NKAIN2: variants seen among roughly 807,000 people sequenced by gnomAD.
NKAIN2 encodes sodium/potassium-transporting ATPase subunit beta-1-interacting protein 2.
A neutral mutation model predicts 32.6 loss-of-function variants in NKAIN2; 14 were observed. The observed-to-expected ratio is 0.43, with a 90% CI of 0.28 to 0.67. The LOEUF (loss-of-function observed/expected upper bound fraction) is 0.67. Among genes scored for constraint, NKAIN2 ranks in the 30% least tolerant of loss-of-function variants. The pLI is 0.17. For missense variants in NKAIN2, 198 were observed against 258.3 expected (o/e 0.77, Z 1.60); for synonymous variants, 80 against 87.2 (o/e 0.92, Z 0.46).
At chr6:124,510,711 G>A (rs1265519736) in intron 3 of NKAIN2, among the ~76,000 whole-genome samples, 2 of 152,154 alleles carry the variant, frequency 1.3e-5, no homozygotes, top group Admixed American at 6.5e-5. Context: ...AATGGTGGGT[G>A]TAGAGGCTGT....
rs1781464187 is a variant in NKAIN2 at position 124,823,262 on chromosome 6, C to T, written c.*33C>T. ...GACTTCAGTATGTCAGCCCATGGAC[C>T]TTTCAAAGAACTTTTTTCGCAGTGG... On this transcript the variant is annotated 3_prime_UTR_variant, in exon 7 of 7. Transcript: ENST00000368417. The T allele has an allele frequency of 1.3e-6, 2 of 1,552,624 alleles. No homozygotes were observed. Among genetic ancestry groups the T allele is most frequent in the East Asian group, 4.5e-5 (2 of 44,640 alleles).
chr6:124,244,935 T>C (rs1793313777), intron 1 of NKAIN2, among the ~76,000 whole-genome samples: 1 of 152,100 alleles, frequency 6.6e-6, no homozygotes, highest in Non-Finnish European at 1.5e-5. Flanking sequence ...TTCATTTGTC[T>C]AGAAATTTTG....
intron 4 of NKAIN2, among the ~76,000 whole-genome samples, chr6:124,745,526 C>G (rs1777408608): frequency 6.6e-6 from 1 of 151,730 alleles, no homozygotes; most frequent in Non-Finnish European, 1.5e-5. Context: ...TGTCTTTTTT[C>G]TAAACAAAAA....
At chr6:124,717,758 G>T (rs1442544064) in intron 4 of NKAIN2, among the ~76,000 whole-genome samples, 1 of 151,948 alleles carries the variant, frequency 6.6e-6, no homozygotes, top group Admixed American at 6.6e-5. Context: ...ACCATTAAAG[G>T]CCTACTTTAA....
intron 3 of NKAIN2, among the ~76,000 whole-genome samples, chr6:124,477,871 T>C (rs995376252): frequency 6.8e-6 from 1 of 146,750 alleles, no homozygotes; most frequent in African/African-American, 2.5e-5. Flanking sequence ...TCTCTCTCAA[T>C]GTTTGGGAAA....
intron 1 of NKAIN2, among the ~76,000 whole-genome samples, chr6:124,013,322 T>C (rs1293145389): frequency 1.3e-5 from 2 of 152,214 alleles, no homozygotes; most frequent in Admixed American, 6.5e-5. Flanking sequence ...AAGTAAATTT[T>C]ATCAATCTTT....
intron 1 of NKAIN2, among the ~76,000 whole-genome samples, chr6:124,005,877 C>T (rs1543033): frequency 0.28 from 43,103 of 151,952 alleles, 6,326 homozygotes; most frequent in East Asian, 0.42. Context: ...CCCCCTGCTT[C>T]TTATATCTAT....
intron 4 of NKAIN2, among the ~76,000 whole-genome samples, chr6:124,777,738 CACAA>C (rs750938541): frequency 1.1e-4 from 17 of 152,036 alleles, no homozygotes; most frequent in Non-Finnish European, 1.8e-4. Context: ...GAATCATACT[CACAA>C]ACAAATTCTA....
chr6:124,007,242 G>A (rs1473855440), intron 1 of NKAIN2, among the ~76,000 whole-genome samples: 1 of 151,960 alleles, frequency 6.6e-6, no homozygotes, highest in Non-Finnish European at 1.5e-5. Context: ...ATAGTCTATG[G>A]GACCACCTTT....
At chr6:124,114,252 A>G (rs771926860) in intron 1 of NKAIN2, among the ~76,000 whole-genome samples, 8 of 152,072 alleles carry the variant, frequency 5.3e-5, no homozygotes, top group Non-Finnish European at 8.8e-5. Flanking sequence ...TTTTATGGAC[A>G]TTGAGTAGGT....
At chr6:124,527,409 C>T (rs1006046328) in intron 3 of NKAIN2, among the ~76,000 whole-genome samples, 2 of 152,156 alleles carry the variant, frequency 1.3e-5, no homozygotes, top group Non-Finnish European at 2.9e-5. Context: ...CCAAAACACA[C>T]TATACTTTTT....
At chr6:124,584,893 T>C (rs576862893) in intron 3 of NKAIN2, among the ~76,000 whole-genome samples, 1 of 152,296 alleles carries the variant, frequency 6.6e-6, no homozygotes, top group East Asian at 1.9e-4. Context: ...GAGAACAGTT[T>C]GGAAGTTCCT....
At chr6:123,856,406 G>C (rs1033155873) in intron 1 of NKAIN2, among the ~76,000 whole-genome samples, 1 of 152,144 alleles carries the variant, frequency 6.6e-6, no homozygotes, top group African/African-American at 2.4e-5. Context: ...CTATTTTAGT[G>C]AACAGTAGTT....
chr6:124,122,804 A>C (rs140536034), intron 1 of NKAIN2, among the ~76,000 whole-genome samples: 2 of 152,266 alleles, frequency 1.3e-5, no homozygotes, highest in East Asian at 3.9e-4. Context: ...TTTCCATAGC[A>C]TGATGGTTTA....
intron 1 of NKAIN2, among the ~76,000 whole-genome samples, chr6:124,036,962 C>A (rs1183402623): frequency 1.3e-5 from 2 of 152,064 alleles, no homozygotes; most frequent in Non-Finnish European, 2.9e-5. Context: ...TTTATCAAAG[C>A]TTCGTTCTTA....
At chr6:124,484,365 G>A (rs757558315) in intron 3 of NKAIN2, among the ~76,000 whole-genome samples, 1 of 151,972 alleles carries the variant, frequency 6.6e-6, no homozygotes, top group Non-Finnish European at 1.5e-5. Context: ...TTGTTTCTAC[G>A]CCAAGTTCAT....
intron 1 of NKAIN2, among the ~76,000 whole-genome samples, chr6:123,965,073 A>T (rs1054091570): frequency 1.3e-5 from 2 of 151,952 alleles, no homozygotes; most frequent in Non-Finnish European, 2.9e-5. Flanking sequence ...CTTCCATTTC[A>T]TTCAGTGTTC....
At chr6:123,884,725 C>T (rs968821250) in intron 1 of NKAIN2, among the ~76,000 whole-genome samples, 72 of 151,990 alleles carry the variant, frequency 4.7e-4, no homozygotes, top group African/African-American at 1.7e-3. Flanking sequence ...ACAAACACTT[C>T]ATGTCCACTG....
chr6:124,069,442 C>T (rs1187354277), intron 1 of NKAIN2, among the ~76,000 whole-genome samples: 1 of 152,084 alleles, frequency 6.6e-6, no homozygotes, highest in Non-Finnish European at 1.5e-5. Flanking sequence ...AGAGTCATTA[C>T]TCTAATCAAG....
Sources: allele counts gnomAD v4.1 joint callset (sites outside exome capture counted in the v4.1 genomes callset), GRCh38; gene constraint gnomAD v4.1.1; transcripts MANE v1.5; gene names NCBI Gene and HGNC (gene_info 2026-07-23, HGNC 2026-07-21).